Variants in UGT1A8 observed in about 807,000 individuals in gnomAD.
UGT1A8 encodes UDP glucuronosyltransferase family 1 member A8.
A neutral mutation model predicts 45.3 loss-of-function variants in UGT1A8; 39 were observed. That is an observed-to-expected ratio of 0.86 (90% CI 0.67 to 1.12). The LOEUF (loss-of-function observed/expected upper bound fraction) is 1.12. UGT1A8 is among the 50% of genes most tolerant of loss of function. UGT1A8 has a pLI of 0.00. For synonymous variants in UGT1A8, 275 were observed against 249.2 expected, an observed-to-expected ratio of 1.10 and a Z score of -0.97; for missense variants, 719 against 664.9, an observed-to-expected ratio of 1.08 and a Z score of -0.90.
At chr2:233,729,370 A>G (rs1463056784) in intron 1 of UGT1A8, 15 of 1,613,960 alleles carry the variant, frequency 9.3e-6, no homozygotes, top group Non-Finnish European at 1.2e-5. Flanking sequence ...AACCTATGCC[A>G]TTTCGTGGAC....
chr2:233,621,696 TTTTTAAAGAAAAC>T (rs2073010185), intron 1 of UGT1A8, among the ~76,000 whole-genome samples: 2 of 152,182 alleles, frequency 1.3e-5, no homozygotes, highest in African/African-American at 4.8e-5. Flanking sequence ...TTTTTCTGTC[TTTTTAAAGAAAAC>T]TTTTAAAGAG....
chr2:233,741,316 A>C (rs1691627687), intron 1 of UGT1A8, among the ~76,000 whole-genome samples: 7 of 151,556 alleles, frequency 4.6e-5, no homozygotes, highest in Admixed American at 4.6e-4. Context: ...ACACCAACTC[A>C]TTCTACTCTA....
At chr2:233,764,870 C>A (rs17868342) in intron 1 of UGT1A8, among the ~76,000 whole-genome samples, 19,813 of 151,898 alleles carry the variant, frequency 0.13, 1,414 homozygotes, top group East Asian at 0.2. Context: ...TAGATGAGCC[C>A]AAGGGAAAAG....
intron 1 of UGT1A8, chr2:233,691,120 AGC>A (rs1230467819): frequency 1.4e-5 from 14 of 985,756 alleles, no homozygotes; most frequent in Non-Finnish European, 1.7e-5. Context: ...TGCTTGCTTA[AGC>A]CATTCTTCCT....
intron 1 of UGT1A8, chr2:233,755,175 G>T: frequency 8.0e-7 from 1 of 1,245,528 alleles, no homozygotes; most frequent in Non-Finnish European, 1.1e-6. Context: ...GTTTTTGTCG[G>T]GGTGCCACTT....
At position 233,772,345 on chromosome 2, in the gene UGT1A8, A is replaced by G. The variant is rs72551358; in HGVS notation, c.1379A>G (p.Glu460Gly). 4 of 1,614,196 alleles carry G rather than the reference A, an allele frequency of 2.5e-6. No homozygotes were observed. The highest frequency in any genetic ancestry group is 3.4e-6 in the Non-Finnish European group (4 of 1,180,040). The change falls in exon 5 of 5, where the codon GAG becomes GGG. Residue 460 changes from glutamate (E) to glycine (G), a missense_variant. Glu to Gly is a moderately conservative substitution (Grantham distance 98, BLOSUM62 -2). Transcript: ENST00000373450. ...CTGGACCTGGCCGTGTTCTGGGTGG[A>G]GTTTGTGATGAGGCACAAGGGCGCG... The part of the protein sequence containing the change: ...EPLDLAVFWV[E>G]FVMRHKGAPH...
intron 1 of UGT1A8, among the ~76,000 whole-genome samples, chr2:233,716,653 C>A (rs2076518106): frequency 6.6e-6 from 1 of 152,046 alleles, no homozygotes; most frequent in African/African-American, 2.4e-5. Flanking sequence ...TTTTTGTACC[C>A]TAAGGAAGCT....
At chr2:233,674,765 G>A (rs1022130512) in intron 1 of UGT1A8, among the ~76,000 whole-genome samples, 3 of 152,182 alleles carry the variant, frequency 2.0e-5, no homozygotes, top group Admixed American at 6.5e-5. Context: ...GACTATACGT[G>A]TAAAGCCAGC....
intron 1 of UGT1A8, among the ~76,000 whole-genome samples, chr2:233,740,004 G>C (rs1691279372): frequency 6.6e-6 from 1 of 151,810 alleles, no homozygotes; most frequent in African/African-American, 2.4e-5. Context: ...GTCATACTAA[G>C]TGAGTTCTCA....
At chr2:233,734,436 C>G (rs1368482825) in intron 1 of UGT1A8, among the ~76,000 whole-genome samples, 2 of 151,658 alleles carry the variant, frequency 1.3e-5, no homozygotes, top group Admixed American at 1.3e-4. Context: ...TTAGTCTTGC[C>G]AGAGGTCTAT....
chr2:233,656,386 G>A (rs1463243394), intron 1 of UGT1A8, among the ~76,000 whole-genome samples: 9 of 152,226 alleles, frequency 5.9e-5, no homozygotes, highest in African/African-American at 2.4e-5. Context: ...CTTGTCCAAT[G>A]AAAGCAGTAT....
chr2:233,701,317 C>A lies in UGT1A8; in HGVS notation c.856-65717C>A, dbSNP rs28899174. 9.8e-3 allele frequency among the ~76,000 whole-genome samples: 1,493 copies of A among 152,208 alleles called. 22 individuals are homozygous for A. The highest frequency in any genetic ancestry group is 0.034 in the African/African-American group (1,425 of 41,526). On this transcript the variant is annotated intron_variant, in intron 1 of 4. Coordinates refer to ENST00000373450, the MANE Select transcript of UGT1A8 (RefSeq NM_019076.5). ...CACACTGTCTTCCACAATGGTTGAA[C>A]TAGTTTACAGTCCCACCAACAGTGT... is the stretch of plus-strand genomic sequence containing the variant.
chr2:233,742,137 G>A (rs1225241098), intron 1 of UGT1A8, among the ~76,000 whole-genome samples: 1 of 151,882 alleles, frequency 6.6e-6, no homozygotes, highest in Non-Finnish European at 1.5e-5. Context: ...CCCTAACCCA[G>A]CAGCGCTAGA....
At chr2:233,636,305 C>G (rs2073288204) in intron 1 of UGT1A8, 2 of 772,992 alleles carry the variant, frequency 2.6e-6, no homozygotes, top group African/African-American at 2.0e-5. Flanking sequence ...ATAATCTACT[C>G]TTGTCTGGAA....
intron 1 of UGT1A8, chr2:233,672,841 A>G (rs774561388): frequency 1.3e-6 from 2 of 1,554,616 alleles, no homozygotes; most frequent in Admixed American, 4.1e-5. Flanking sequence ...TTGGAAATTA[A>G]AAAAGGATTC....
chr2:233,622,826 C>T (rs2073033038), intron 1 of UGT1A8, among the ~76,000 whole-genome samples: 1 of 152,074 alleles, frequency 6.6e-6, no homozygotes, highest in Non-Finnish European at 1.5e-5. Flanking sequence ...AATGGTATTG[C>T]CTAGGTTTTC....
At chr2:233,760,269 T>C (rs1697378310) in intron 1 of UGT1A8, 1 of 1,612,212 alleles carries the variant, frequency 6.2e-7, no homozygotes, top group Admixed American at 1.7e-5. Flanking sequence ...GGCGAACCTC[T>C]GGCAGGAGCA....
At position 233,747,493 on chromosome 2, in the gene UGT1A8, T is replaced by G; in HGVS notation, c.856-19541T>G. 3.1e-6 allele frequency: 5 copies of G among 1,608,784 alleles called. No individual in the cohort carries two copies. In the South Asian group the frequency reaches 3.3e-5, roughly 11 times the overall value. The stretch of plus-strand genomic sequence containing the variant: ...CAGGATGAATTTGATCGCCTTGTGC[T>G]GGGCCACACTCAACTGTACTTTGAA... On this transcript the variant is annotated intron_variant, in intron 1 of 4. Coordinates refer to ENST00000373450, the MANE Select transcript of UGT1A8 (RefSeq NM_019076.5).
chr2:233,713,461 G>C, intron 1 of UGT1A8: 1 of 1,614,080 alleles, frequency 6.2e-7, no homozygotes, highest in Non-Finnish European at 8.5e-7. Context: ...TTTCACCTCT[G>C]CGCGGCGGTG....
Sources: gnomAD v4.1 joint callset for allele counts (sites outside exome capture counted in the v4.1 genomes callset) on GRCh38, gnomAD v4.1.1 for gene constraint, MANE v1.5 for transcripts, NCBI Gene and HGNC (gene_info 2026-07-23, HGNC 2026-07-21) for gene names.